METAP1D: variants seen among roughly 807,000 people sequenced by gnomAD.
METAP1D encodes methionyl aminopeptidase type 1D, mitochondrial.
Under a neutral mutation model 40.5 loss-of-function variants are expected in METAP1D, and 31 were observed. The ratio of observed to expected loss-of-function variants is 0.77; its 90% CI spans 0.58 to 1.03. The LOEUF (loss-of-function observed/expected upper bound fraction) is 1.03. METAP1D is among the 50% of genes least tolerant of loss of function. METAP1D has a pLI of 0.00. For missense variants in METAP1D, 411 were observed against 420.7 expected, an observed-to-expected ratio of 0.98 and a Z score of 0.20; for synonymous variants, 151 against 146.4, an observed-to-expected ratio of 1.03 and a Z score of -0.22.
rs1226807450 is a variant in METAP1D, at chr2:172,045,697, ATATGTGTG to A, written c.41-15799_41-15792del. ...AAAAAAAAAAAAGGATCATTCATAT[ATATGTGTG>A]TGTGTGTGTGTGTGTGTGTGTGTGT... is the stretch of plus-strand genomic sequence containing the variant. On this transcript the variant is annotated intron_variant, in intron 1 of 9. Transcript: ENST00000315796. 2.6e-4 allele frequency among the ~76,000 whole-genome samples: 17 copies of A among 65,920 alleles called. No individual in the cohort carries two copies. The East Asian group carries it at 4.1e-3, about 16-fold the overall frequency. 43.2% of individuals were successfully genotyped at this position (65,920 alleles called of 152,430 possible).
Position 172,079,232 on chromosome 2 carries a change from C to G in METAP1D, c.820C>G (p.Pro274Ala). The change falls in exon 8 of 10, where the codon CCC (proline) becomes GCC (alanine). Residue 274 changes from proline (P) to alanine (A), a missense_variant. Physicochemically the swap from Pro to Ala is conservative, Grantham distance 27 (BLOSUM62 -1). Coordinates refer to ENST00000315796, the MANE Select transcript of METAP1D (RefSeq NM_199227.3). Reference protein sequence around the residue: ...IWHHANDSDLPMEEGMAFTIE... With the variant: ...IWHHANDSDLAMEEGMAFTIE... ...TTTTGCAGCAAACGACAGTGATCTA[C>G]CCATGGAGGAGGGCATGGCATTCAC... 1 of 1,614,084 alleles carries G rather than the reference C, an allele frequency of 6.2e-7. No individual in the cohort carries two copies. The highest frequency in any genetic ancestry group is 8.5e-7 in the Non-Finnish European group (1 of 1,180,022).
Position 172,045,492 on chromosome 2 carries a change from C to T in METAP1D, c.41-16006C>T, listed in dbSNP as rs182744069. On this transcript the variant is annotated intron_variant, in intron 1 of 9. Transcript: ENST00000315796. ...CCTGACCAACATGGAGAAACCCCGT[C>T]TCTACTAAAAAATATAAAATTAGCC... Among the ~76,000 whole-genome samples, 81 of 136,954 alleles carry T rather than the reference C, an allele frequency of 5.9e-4. 18 individuals are homozygous for T. The Middle Eastern group carries it at 0.016, about 27-fold the overall frequency. The allele number at this position is 136,954 out of a possible 152,430, so 89.8% of individuals were successfully genotyped here.
At chr2:172,019,488 G>A (rs1366861588) in intron 1 of METAP1D, among the ~76,000 whole-genome samples, 1 of 151,906 alleles carries the variant, frequency 6.6e-6, no homozygotes, top group African/African-American at 2.4e-5. Context: ...GGTGGAGGCG[G>A]GAGGATTGTT....
At chr2:172,075,103 A>G (rs1690511625) in intron 6 of METAP1D, among the ~76,000 whole-genome samples, 1 of 152,226 alleles carries the variant, frequency 6.6e-6, no homozygotes, top group Non-Finnish European at 1.5e-5. Context: ...TTTTTCATGT[A>G]TAAACTGTAA....
intron 1 of METAP1D, among the ~76,000 whole-genome samples, chr2:172,037,099 A>G (rs558948510): frequency 3.9e-5 from 6 of 152,262 alleles, no homozygotes; most frequent in African/African-American, 1.4e-4. Flanking sequence ...GTCTCTACTA[A>G]AAATACAAAA....
chr2:172,028,895 G>C (rs1339394048), intron 1 of METAP1D, among the ~76,000 whole-genome samples: 1 of 152,090 alleles, frequency 6.6e-6, no homozygotes, highest in Non-Finnish European at 1.5e-5. Flanking sequence ...AACTTGCCAT[G>C]ATTAGTATGT....
chr2:172,073,116 A>G (rs1318837593), intron 6 of METAP1D, among the ~76,000 whole-genome samples: 1 of 152,224 alleles, frequency 6.6e-6, no homozygotes, highest in Non-Finnish European at 1.5e-5. Context: ...ATTTTCCATC[A>G]TTAAGACTAA....
intron 1 of METAP1D, among the ~76,000 whole-genome samples, chr2:172,040,588 G>A (rs766470839): frequency 6.6e-6 from 1 of 152,198 alleles, no homozygotes; most frequent in African/African-American, 2.4e-5. Flanking sequence ...AATACACAGC[G>A]TTTTAGGAAC....
rs67708838 is a variant in METAP1D, at chr2:172,041,726, T to TTATATATATATATATATA, written c.41-19748_41-19731dup. ...TTTTAATTTCCTTACTCTAATTATT[T>TTATATATATATATATATA]TATATATATATATATATATATATAT... On this transcript the variant is annotated intron_variant, in intron 1 of 9. Transcript: ENST00000315796. 3.3e-3 allele frequency among the ~76,000 whole-genome samples: 124 copies of TTATATATATATATATATA among 37,548 alleles called. 3 individuals are homozygous for TTATATATATATATATATA. Among genetic ancestry groups the TTATATATATATATATATA allele is most frequent in the Non-Finnish European group, 3.9e-3 (61 of 15,588 alleles). The allele number at this position is 37,548 out of a possible 152,430, so 24.6% of individuals were successfully genotyped here.
In METAP1D at chr2:172,077,814, A is replaced by G; in HGVS notation, c.722A>G (p.Asn241Ser). ...GNTISHITHQ[N>S]GFQVCPHFVG... ...TTTTAAAGCCACATAACTCATCAGAATGGTTTTCAAGTCTGTCCACATTTT... is the reference window on the plus strand; with the variant it reads ...TTTTAAAGCCACATAACTCATCAGAGTGGTTTTCAAGTCTGTCCACATTTT... Residue 241 changes from asparagine (N) to serine (S), a missense_variant, in exon 7 of 10, where the codon AAT (asparagine) becomes AGT (serine). By Grantham distance (46) the Asn-to-Ser change is conservative (BLOSUM62 1). Transcript: ENST00000315796. 6.2e-7 allele frequency: 1 copy of G among 1,606,392 alleles called. No homozygotes were observed.
chr2:172,039,631 T>G (rs1421955727), intron 1 of METAP1D, among the ~76,000 whole-genome samples: 1 of 152,074 alleles, frequency 6.6e-6, no homozygotes, highest in Non-Finnish European at 1.5e-5. Context: ...GTGAGTTTTT[T>G]GTGGGGTGGG....
chr2:172,045,757 ATG>A (rs1169750498), intron 1 of METAP1D, among the ~76,000 whole-genome samples: 3 of 67,154 alleles, frequency 4.5e-5, no homozygotes, highest in African/African-American at 1.4e-4. Context: ...ATATGTATAT[ATG>A]TGTGTATATA....
chr2:172,023,327 G>A (rs924769642), intron 1 of METAP1D, among the ~76,000 whole-genome samples: 17 of 152,100 alleles, frequency 1.1e-4, no homozygotes, highest in African/African-American at 3.4e-4. Context: ...CTGAACTTTC[G>A]TTTTCATATC....
intron 1 of METAP1D, among the ~76,000 whole-genome samples, chr2:172,042,747 A>ATG (rs1354247808): frequency 6.6e-4 from 3 of 4,544 alleles, no homozygotes; most frequent in Admixed American, 2.3e-3. Context: ...GTGTGTGTAT[A>ATG]TGTACACATA....
At chr2:172,008,557 A>G (rs1260366333) in intron 1 of METAP1D, among the ~76,000 whole-genome samples, 3 of 152,200 alleles carry the variant, frequency 2.0e-5, no homozygotes, top group Non-Finnish European at 4.4e-5. Flanking sequence ...GTGCTGTACT[A>G]TGCTTTTTCC....
At chr2:172,034,177 C>T (rs1037167237) in intron 1 of METAP1D, among the ~76,000 whole-genome samples, 8 of 151,652 alleles carry the variant, frequency 5.3e-5, no homozygotes, top group Admixed American at 2.0e-4. Context: ...CAAAATTATC[C>T]AGTGGGAAGG....
chr2:172,035,919 A>G (rs1012262986), intron 1 of METAP1D, among the ~76,000 whole-genome samples: 1 of 152,106 alleles, frequency 6.6e-6, no homozygotes, highest in African/African-American at 2.4e-5. Flanking sequence ...AAGTGCTAAG[A>G]TTACAGGTGT....
At chr2:172,073,671 A>C (rs1289883848) in intron 6 of METAP1D, among the ~76,000 whole-genome samples, 1 of 152,214 alleles carries the variant, frequency 6.6e-6, no homozygotes, top group African/African-American at 2.4e-5. Context: ...TGATGTGTTA[A>C]AGCAGTGTTT....
In METAP1D at chr2:172,065,678, T is replaced by A; in HGVS notation, c.423T>A (p.Pro141=). Residue 141 remains proline (P), a synonymous_variant, in exon 4 of 10, where the codon CCT becomes CCA. Transcript: ENST00000315796. ...TCAGTCATAATGCCTATCCCTCACCTCTAGGCTATGGAGGTTTTCCAAAAT... is the reference window on the plus strand; with the variant it reads ...TCAGTCATAATGCCTATCCCTCACCACTAGGCTATGGAGGTTTTCCAAAAT... ...EIISHNAYPS[P]LGYGGFPKSV... 1.2e-6 allele frequency: 2 copies of A among 1,613,976 alleles called. No homozygotes were observed. Among genetic ancestry groups the A allele is most frequent in the Non-Finnish European group, 1.7e-6 (2 of 1,179,886 alleles).
Sources: gnomAD v4.1 joint callset for allele counts (sites outside exome capture counted in the v4.1 genomes callset) on GRCh38, gnomAD v4.1.1 for gene constraint, MANE v1.5 for transcripts, NCBI Gene and HGNC (gene_info 2026-07-23, HGNC 2026-07-21) for gene names.